DNER: variants seen among roughly 807,000 people sequenced by gnomAD.
DNER encodes the protein delta/notch like EGF repeat containing.
In DNER, 33 loss-of-function variants were observed where a neutral mutation model predicts 78.2. The observed-to-expected ratio is 0.42, with a 90% CI of 0.32 to 0.56. The LOEUF (loss-of-function observed/expected upper bound fraction) is 0.56, where lower values mean the gene tolerates loss of function less well. Ranked by LOEUF, DNER falls within the 20% of genes least tolerant of loss-of-function variation. DNER has a pLI of 0.11. For missense variants in DNER, 918 were observed against 975.3 expected (o/e 0.94, Z 0.78); for synonymous variants, 417 against 384.8 (o/e 1.08, Z -0.98).
intron 1 of DNER, among the ~76,000 whole-genome samples, chr2:229,626,055 GATTAC>G (rs1345847135): frequency 6.6e-6 from 1 of 152,140 alleles, no homozygotes; most frequent in African/African-American, 2.4e-5. Context: ...GAGTAGCTGG[GATTAC>G]AGGCACCCAC....
intron 1 of DNER, among the ~76,000 whole-genome samples, chr2:229,601,818 A>G (rs1244311597): frequency 6.6e-6 from 1 of 152,166 alleles, no homozygotes; most frequent in Non-Finnish European, 1.5e-5. Flanking sequence ...ACACATAGTG[A>G]TAAGTCATAG....
chr2:229,627,002 A>C (rs1330372676), intron 1 of DNER, among the ~76,000 whole-genome samples: 1 of 152,194 alleles, frequency 6.6e-6, no homozygotes, highest in Non-Finnish European at 1.5e-5. Flanking sequence ...GATGTTAATA[A>C]CTCAACCCAA....
intron 1 of DNER, among the ~76,000 whole-genome samples, chr2:229,683,122 TC>T (rs1699416368): frequency 6.6e-6 from 1 of 152,202 alleles, no homozygotes; most frequent in South Asian, 2.1e-4. Context: ...TGACAATAAC[TC>T]CATCAACTGA....
At chr2:229,672,981 T>G (rs1231003690) in intron 1 of DNER, among the ~76,000 whole-genome samples, 1 of 152,166 alleles carries the variant, frequency 6.6e-6, no homozygotes, top group African/African-American at 2.4e-5. Flanking sequence ...AGAGCCGCCC[T>G]GTGCACTGCT....
intron 8 of DNER, among the ~76,000 whole-genome samples, chr2:229,437,674 A>G (rs1694150702): frequency 6.6e-6 from 1 of 152,178 alleles, no homozygotes; most frequent in African/African-American, 2.4e-5. Flanking sequence ...CATTTCCACT[A>G]AGCCAGTCTT....
intron 5 of DNER, among the ~76,000 whole-genome samples, chr2:229,520,063 T>C (rs1696063914): frequency 6.6e-6 from 1 of 152,162 alleles, no homozygotes; most frequent in Non-Finnish European, 1.5e-5. Flanking sequence ...TTCAGGCAAT[T>C]CTTCGCCAGA....
intron 4 of DNER, among the ~76,000 whole-genome samples, chr2:229,549,294 A>G (rs1029569697): frequency 1.3e-5 from 2 of 152,154 alleles, no homozygotes; most frequent in Non-Finnish European, 2.9e-5. Context: ...CAAAAAAATT[A>G]TATTCATTTC....
At chr2:229,393,596 C>CCAGCA (rs1490445796) in intron 10 of DNER, among the ~76,000 whole-genome samples, 3 of 151,958 alleles carry the variant, frequency 2.0e-5, no homozygotes, top group African/African-American at 7.3e-5. Flanking sequence ...ACCTGTAATC[C>CCAGCA]CAGCACTTTG....
intron 1 of DNER, among the ~76,000 whole-genome samples, chr2:229,700,817 A>C (rs1157948631): frequency 6.6e-6 from 1 of 151,230 alleles, no homozygotes; most frequent in African/African-American, 2.4e-5. Flanking sequence ...GCTACTCGGG[A>C]GGCTGAGACA....
At chr2:229,495,608 C>A (rs910201660) in intron 6 of DNER, among the ~76,000 whole-genome samples, 1 of 152,204 alleles carries the variant, frequency 6.6e-6, no homozygotes, top group Admixed American at 6.5e-5. Context: ...CTCAGGTCCT[C>A]AACCTAGGCC....
At chr2:229,557,142 A>C (rs757847410) in intron 4 of DNER, among the ~76,000 whole-genome samples, 1 of 152,206 alleles carries the variant, frequency 6.6e-6, no homozygotes, top group Non-Finnish European at 1.5e-5. Context: ...AATGAAATAG[A>C]ATTCATTCAA....
At chr2:229,657,261 T>C (rs1698928376) in intron 1 of DNER, among the ~76,000 whole-genome samples, 1 of 152,208 alleles carries the variant, frequency 6.6e-6, no homozygotes, top group African/African-American at 2.4e-5. Context: ...TTCTGGCTTA[T>C]TTCATTTAGC....
chr2:229,628,907 C>G (rs888693570), intron 1 of DNER, among the ~76,000 whole-genome samples: 9 of 152,198 alleles, frequency 5.9e-5, no homozygotes, highest in African/African-American at 2.2e-4. Flanking sequence ...TGCAGTGTGA[C>G]TGCTTCCCCT....
At chr2:229,410,204 C>T (rs1693479786) in intron 9 of DNER, among the ~76,000 whole-genome samples, 1 of 152,204 alleles carries the variant, frequency 6.6e-6, no homozygotes, top group Non-Finnish European at 1.5e-5. Context: ...ATTTTCTCAA[C>T]ACAGACCACA....
chr2:229,427,047 C>G (rs1441540775), intron 8 of DNER, among the ~76,000 whole-genome samples: 1 of 152,180 alleles, frequency 6.6e-6, no homozygotes, highest in Non-Finnish European at 1.5e-5. Flanking sequence ...TCAGAAGACC[C>G]AAATCAGTCA....
At chr2:229,445,621 C>G (rs1192955307) in intron 8 of DNER, among the ~76,000 whole-genome samples, 2 of 152,172 alleles carry the variant, frequency 1.3e-5, no homozygotes, top group Admixed American at 1.3e-4. Context: ...ACCTTAAGGA[C>G]AAAGACTGAG....
chr2:229,630,337 A>G (rs1426597876), intron 1 of DNER, among the ~76,000 whole-genome samples: 2 of 151,958 alleles, frequency 1.3e-5, no homozygotes, highest in African/African-American at 2.4e-5. Flanking sequence ...TTAGCCGGGT[A>G]TGCTGGCACA....
At chr2:229,504,831 TG>T (rs1695701696) in intron 6 of DNER, among the ~76,000 whole-genome samples, 1 of 152,220 alleles carries the variant, frequency 6.6e-6, no homozygotes, top group South Asian at 2.1e-4. Context: ...TACTGGTGCT[TG>T]CACCTGGCAT....
At chr2:229,487,760 GTTCTTACC>G (rs1263107036) in intron 6 of DNER, among the ~76,000 whole-genome samples, 2 of 152,210 alleles carry the variant, frequency 1.3e-5, no homozygotes, top group Non-Finnish European at 2.9e-5. Context: ...TTCAGGAACA[GTTCTTACC>G]TTCAGGGAGC....
Sources: allele counts gnomAD v4.1 joint callset (sites outside exome capture counted in the v4.1 genomes callset), GRCh38; gene constraint gnomAD v4.1.1; transcripts MANE v1.5; gene names NCBI Gene and HGNC (gene_info 2026-07-23, HGNC 2026-07-21).